Variants in RTN4 observed in about 807,000 individuals in gnomAD.
The protein encoded by RTN4 is reticulon-4.
In RTN4, 32 loss-of-function variants were observed where a neutral mutation model predicts 90.4. That is an observed-to-expected ratio of 0.35 (90% CI 0.27 to 0.48). The LOEUF is 0.48. RTN4 is among the 20% of genes least tolerant of loss of function. The pLI, the probability that RTN4 is intolerant of heterozygous loss-of-function variation, is 0.99. For synonymous variants in RTN4, 629 were observed against 552.5 expected (o/e 1.14, Z -1.94); for missense variants, 1,706 against 1,430.2 (o/e 1.19, Z -3.11).
In RTN4 at chr2:55,026,955, C is replaced by T. The variant is rs369397082; in HGVS notation, c.1144G>A (p.Glu382Lys). Residue 382 changes from glutamate to lysine, a missense_variant, in exon 3 of 9, where the codon GAG (glutamate) becomes AAG (lysine). Coordinates refer to ENST00000337526, the MANE Select transcript of RTN4 (RefSeq NM_020532.5). ...KRVAVEAPMREEYADFKPFER... is the reference protein window; with the variant it reads ...KRVAVEAPMRKEYADFKPFER... ...AATGGTTTGAAGTCTGCATATTCCTCCCTCATAGGAGCTTCCACTGCAACT... is the reference window on the plus strand; with the variant it reads ...AATGGTTTGAAGTCTGCATATTCCTTCCTCATAGGAGCTTCCACTGCAACT... 25 of 1,613,374 alleles carry T rather than the reference C, an allele frequency of 1.5e-5. No homozygotes were observed. The highest frequency in any genetic ancestry group is 4.4e-5 in the South Asian group (4 of 91,082).
the RTN4 span, among the ~76,000 whole-genome samples, chr2:55,118,361 A>C: frequency 6.6e-6 from 1 of 152,042 alleles, no homozygotes; most frequent in Non-Finnish European, 1.5e-5. Flanking sequence ...GCTACTTGGG[A>C]GGCTGAGTTG....
intron 3 of RTN4, among the ~76,000 whole-genome samples, chr2:54,992,896 C>T (rs543868612): frequency 6.7e-4 from 101 of 151,316 alleles, no homozygotes; most frequent in African/African-American, 1.7e-3. Flanking sequence ...GGTGAAACCC[C>T]GTCTCTACTA....
intron 1 of RTN4, among the ~76,000 whole-genome samples, chr2:55,080,892 T>A (rs981642002): frequency 2.0e-5 from 3 of 152,344 alleles, no homozygotes; most frequent in African/African-American, 7.2e-5. Context: ...TTACACTATG[T>A]AAAGAATGCG....
chr2:55,020,311 T>C (rs1290137231), intron 3 of RTN4, among the ~76,000 whole-genome samples: 1 of 151,938 alleles, frequency 6.6e-6, no homozygotes, highest in Non-Finnish European at 1.5e-5. Flanking sequence ...ACTACACAGC[T>C]ATAGTAACCA....
chr2:55,005,501 C>T (rs1279435341), intron 3 of RTN4, among the ~76,000 whole-genome samples: 1 of 152,170 alleles, frequency 6.6e-6, no homozygotes, highest in East Asian at 1.9e-4. Context: ...TAGACACTCA[C>T]ATTCACTGAT....
At chr2:55,132,036 G>T in the RTN4 span, among the ~76,000 whole-genome samples, 2 of 152,074 alleles carry the variant, frequency 1.3e-5, no homozygotes, top group African/African-American at 4.8e-5. Flanking sequence ...AAGTATTTAT[G>T]GGGGGAATGA....
At chr2:55,010,290 T>C in intron 3 of RTN4, 1 of 1,463,238 alleles carries the variant, frequency 6.8e-7, no homozygotes, top group African/African-American at 1.4e-5. Context: ...CCTGACGTCT[T>C]CTGGGTGTGG....
the RTN4 span, among the ~76,000 whole-genome samples, chr2:55,123,273 C>T: frequency 6.6e-6 from 1 of 152,090 alleles, no homozygotes; most frequent in Non-Finnish European, 1.5e-5. Context: ...CCAAAGGAAA[C>T]ATTAAAGTGT....
chr2:55,110,208 G>A (rs970189132), intron 1 of RTN4, among the ~76,000 whole-genome samples: 1 of 151,774 alleles, frequency 6.6e-6, no homozygotes, highest in Non-Finnish European at 1.5e-5. Flanking sequence ...CTACGTGTGA[G>A]GCTGAGGTGG....
At chr2:55,094,556 A>T (rs953337175) in intron 1 of RTN4, among the ~76,000 whole-genome samples, 3 of 152,250 alleles carry the variant, frequency 2.0e-5, no homozygotes, top group African/African-American at 7.2e-5. Context: ...ACCATAAACA[A>T]GTAAACAGAC....
chr2:55,087,332 G>A (rs964514819), intron 1 of RTN4, among the ~76,000 whole-genome samples: 24 of 152,214 alleles, frequency 1.6e-4, no homozygotes, highest in Admixed American at 1.4e-3. Flanking sequence ...ACAACCACTA[G>A]CAGTTGATGA....
At chr2:55,049,454 C>G in intron 1 of RTN4, 1 of 461,836 alleles carries the variant, frequency 2.2e-6, no homozygotes, top group South Asian at 2.9e-5. Context: ...CGGGTGGGTG[C>G]CTAACTTCCG....
rs761014243 is a variant in RTN4, at chr2:55,049,721, G to C, written c.556+24C>G. 19 of 1,401,226 alleles carry C rather than the reference G, an allele frequency of 1.4e-5. No individual in the cohort carries two copies. The African/African-American group carries it at 2.8e-4, about 21-fold the overall frequency. 86.8% of individuals were successfully genotyped at this position (1,401,226 alleles called of 1,614,324 possible). A position where few individuals can be genotyped will look rare whatever the true frequency, so the allele number is the denominator to read the frequency against. ...GAGGGAGGGGCGCGAGGGGCGGCGC[G>C]AAGCGAGAGGTCGCGGCACTCACCC... On this transcript the variant is annotated intron_variant, in intron 1 of 8. Transcript: ENST00000337526.
chr2:54,990,590 T>C (rs1391693874), intron 3 of RTN4, among the ~76,000 whole-genome samples: 1 of 152,142 alleles, frequency 6.6e-6, no homozygotes, highest in Non-Finnish European at 1.5e-5. Flanking sequence ...AGTAAATACA[T>C]AAAGAAGAAA....
rs747751584 is a variant in RTN4 at position 55,026,651 on chromosome 2, A to G, written c.1448T>C (p.Leu483Ser). ...CTTATTTTCTGAAGTAGGATCTCCT[A>G]ACAAAGGAAAAATGTTTGTTGCAAT... ...ESIATNIFPL[L>S]GDPTSENKTD... The change falls in exon 3 of 9, where the codon TTA (leucine) becomes TCA (serine). Residue 483 changes from leucine to serine, a missense_variant. Leu to Ser is a moderately radical substitution (Grantham distance 145). Coordinates refer to ENST00000337526, the MANE Select transcript of RTN4 (RefSeq NM_020532.5). 3 of 1,613,066 alleles carry G rather than the reference A, an allele frequency of 1.9e-6. No individual in the cohort carries two copies. The highest frequency in any genetic ancestry group is 2.5e-6 in the Non-Finnish European group (3 of 1,179,792).
At chr2:55,016,990 T>A (rs182614217) in intron 3 of RTN4, among the ~76,000 whole-genome samples, 34 of 152,284 alleles carry the variant, frequency 2.2e-4, no homozygotes, top group African/African-American at 7.7e-4. Flanking sequence ...TTTCAATCTG[T>A]ATTGGGCCCA....
At chr2:55,024,193 TGGG>T (rs1002288805) in intron 3 of RTN4, among the ~76,000 whole-genome samples, 12 of 152,158 alleles carry the variant, frequency 7.9e-5, no homozygotes, top group African/African-American at 2.9e-4. Context: ...CCAGGGTTCC[TGGG>T]GTCATCTTTA....
the RTN4 span, among the ~76,000 whole-genome samples, chr2:55,133,709 G>A: frequency 5.9e-5 from 9 of 152,082 alleles, no homozygotes; most frequent in Non-Finnish European, 7.4e-5. Flanking sequence ...AGCTCTCACC[G>A]TCCTTAACAT....
chr2:55,125,497 G>C, the RTN4 span, among the ~76,000 whole-genome samples: 1 of 152,230 alleles, frequency 6.6e-6, no homozygotes, highest in African/African-American at 2.4e-5. Context: ...CGGGTGCGGT[G>C]GCTCACGCCC....
Sources: allele counts gnomAD v4.1 joint callset (sites outside exome capture counted in the v4.1 genomes callset), GRCh38; gene constraint gnomAD v4.1.1; transcripts MANE v1.5; gene names NCBI Gene and HGNC (gene_info 2026-07-23, HGNC 2026-07-21).